PRKN: variants seen among roughly 807,000 people sequenced by gnomAD.
The protein encoded by PRKN is parkin RBR E3 ubiquitin protein ligase.
Under a neutral mutation model 59.5 loss-of-function variants are expected in PRKN, and 56 were observed. The observed-to-expected ratio is 0.94, with a 90% CI of 0.76 to 1.18. PRKN has a LOEUF of 1.18. Among genes scored for constraint, PRKN ranks in the 50% most tolerant of loss-of-function variants. The pLI is 0.00. For synonymous variants in PRKN, 250 were observed against 222.1 expected (o/e 1.13, Z -1.12); for missense variants, 657 against 596.4 (o/e 1.10, Z -1.06).
chr6:161,539,543 G>A (rs1216851572), intron 9 of PRKN, among the ~76,000 whole-genome samples: 1 of 99,342 alleles, frequency 1.0e-5, no homozygotes, highest in East Asian at 2.9e-4. Context: ...CTAAAAAGGT[G>A]TAAAATTCTA....
intron 5 of PRKN, among the ~76,000 whole-genome samples, chr6:162,017,525 T>C (rs1292010933): frequency 6.6e-6 from 1 of 152,198 alleles, no homozygotes; most frequent in Non-Finnish European, 1.5e-5. Flanking sequence ...CCACATTCAA[T>C]GTAACACTGA....
intron 6 of PRKN, among the ~76,000 whole-genome samples, chr6:161,796,438 T>C (rs1790852802): frequency 6.6e-6 from 1 of 152,242 alleles, no homozygotes; most frequent in South Asian, 2.1e-4. Context: ...CCTAGCTTTC[T>C]TGCCGAGGCT....
chr6:161,622,833 A>C (rs1782956216), intron 7 of PRKN, among the ~76,000 whole-genome samples: 1 of 152,362 alleles, frequency 6.6e-6, no homozygotes, highest in Non-Finnish European at 1.5e-5. Flanking sequence ...TGTTTAAAAC[A>C]CTAAATTCTC....
At chr6:162,152,809 T>C (rs1782329011) in intron 4 of PRKN, among the ~76,000 whole-genome samples, 1 of 152,226 alleles carries the variant, frequency 6.6e-6, no homozygotes, top group Admixed American at 6.5e-5. Flanking sequence ...GTAAATTGTT[T>C]GCTGAAATCT....
intron 7 of PRKN, among the ~76,000 whole-genome samples, chr6:161,727,454 A>T (rs921278759): frequency 1.3e-5 from 2 of 152,236 alleles, no homozygotes; most frequent in Admixed American, 1.3e-4. Flanking sequence ...TTGCTTTTAG[A>T]TAACAAGGAT....
At chr6:161,358,610 C>T (rs1784855601) in intron 11 of PRKN, among the ~76,000 whole-genome samples, 1 of 151,916 alleles carries the variant, frequency 6.6e-6, no homozygotes, top group Non-Finnish European at 1.5e-5. Context: ...TCAAGACTGT[C>T]TAATCTCTGT....
chr6:162,101,256 A>C (rs183500364), intron 4 of PRKN, among the ~76,000 whole-genome samples: 2 of 151,832 alleles, frequency 1.3e-5, no homozygotes, highest in Admixed American at 6.6e-5. Flanking sequence ...ATTTTTGTAT[A>C]TGAGGTCAGA....
chr6:162,450,775 A>C lies in PRKN; in HGVS notation c.8-7302T>G, dbSNP rs375281334. 9.8e-4 allele frequency among the ~76,000 whole-genome samples: 150 copies of C among 152,342 alleles called. 1 individual carries two copies. The highest frequency in any genetic ancestry group is 3.4e-3 in the African/African-American group (140 of 41,572). On this transcript the variant is annotated intron_variant, in intron 1 of 11. Coordinates refer to ENST00000366898, the MANE Select transcript of PRKN (RefSeq NM_004562.3). ...TAGAGTCTAAGGGCCTAAGGAGATG[A>C]GTAAATGCAATGTGGTAGCCTGGAT...
rs998908009 is a variant in PRKN, at chr6:161,369,386, T to A, written c.1168-9181A>T. Among the ~76,000 whole-genome samples, 14 of 152,144 alleles carry A rather than the reference T, an allele frequency of 9.2e-5. No individual in the cohort carries two copies. The highest frequency in any genetic ancestry group is 1.8e-4 in the Non-Finnish European group (12 of 68,024). The stretch of plus-strand genomic sequence containing the variant: ...GAGGGGCGGGAGGTTTGGGAACCAT[T>A]CATCCTCTGGAGGGCGATTCTCCCT... On this transcript the variant is annotated intron_variant, in intron 10 of 11. Transcript: ENST00000366898. This position sits in a 1 kb window ranked among gnomAD's most constrained non-coding sequence, Gnocchi z 5.8.
chr6:162,263,685 G>A (rs1446585603), intron 2 of PRKN, among the ~76,000 whole-genome samples: 2 of 152,146 alleles, frequency 1.3e-5, no homozygotes, highest in African/African-American at 4.8e-5. Flanking sequence ...CGGCCGCGGT[G>A]GCTCAGGCCT....
At chr6:161,557,089 G>A (rs1425349523) in intron 8 of PRKN, among the ~76,000 whole-genome samples, 1 of 152,004 alleles carries the variant, frequency 6.6e-6, no homozygotes, top group Non-Finnish European at 1.5e-5. Flanking sequence ...CTGAACCTAA[G>A]GAAAACAATA....
intron 1 of PRKN, among the ~76,000 whole-genome samples, chr6:162,703,688 G>A (rs898782300): frequency 1.3e-5 from 2 of 152,192 alleles, no homozygotes; most frequent in Non-Finnish European, 2.9e-5. Context: ...TGTGCACAGG[G>A]AGGTTCCTGT....
intron 9 of PRKN, among the ~76,000 whole-genome samples, chr6:161,427,917 C>T (rs1241516451): frequency 1.3e-5 from 2 of 152,158 alleles, no homozygotes; most frequent in Admixed American, 6.5e-5. Flanking sequence ...AGACTGAAAT[C>T]ACTCTTGTCG....
In PRKN at chr6:161,376,537, C is replaced by A. The variant is rs1297704902; in HGVS notation, c.1167+10257G>T. ...TCAAGCCCATCCCCTCCTCTGTATT[C>A]CCTGGCCGGATTCCTGGTGCCTGGT... On this transcript the variant is annotated intron_variant, in intron 10 of 11. Coordinates refer to ENST00000366898, the MANE Select transcript of PRKN (RefSeq NM_004562.3). This position sits in a 1 kb window ranked among gnomAD's most constrained non-coding sequence, Gnocchi z 7.3. 6.6e-6 allele frequency among the ~76,000 whole-genome samples: 1 copy of A among 152,210 alleles called. No individual in the cohort carries two copies. Among genetic ancestry groups the A allele is most frequent in the East Asian group, 1.9e-4 (1 of 5,186 alleles).
chr6:161,579,066 G>T lies in PRKN; in HGVS notation c.872-9650C>A, dbSNP rs540101224. Among the ~76,000 whole-genome samples, 2 of 152,300 alleles carry T rather than the reference G, an allele frequency of 1.3e-5. No homozygotes were observed. The highest frequency in any genetic ancestry group is 3.9e-4 in the East Asian group (2 of 5,186). On this transcript the variant is annotated intron_variant, in intron 7 of 11. Transcript: ENST00000366898. The surrounding 1 kb of genome is among the most constrained non-coding windows in gnomAD (Gnocchi z 4.2). The stretch of plus-strand genomic sequence containing the variant: ...AATGGGAGGCTCTCAGAGTGAAAAG[G>T]GATCCTTATCCATTATTTTCTTTCT...
At chr6:162,643,412 A>AAAAAAAAAAAAG (rs71784410) in intron 1 of PRKN, among the ~76,000 whole-genome samples, 18 of 139,676 alleles carry the variant, frequency 1.3e-4, no homozygotes, top group South Asian at 2.3e-4. Flanking sequence ...AAAAAAAAAA[A>AAAAAAAAAAAAG]AAAGAAAGAA....
chr6:162,496,330 G>A lies in PRKN; in HGVS notation c.8-52857C>T, dbSNP rs563564353. Among the ~76,000 whole-genome samples the A allele has an allele frequency of 6.6e-5, 10 of 152,286 alleles. No individual in the cohort carries two copies. The South Asian group carries it at 2.1e-3, about 32-fold the overall frequency. ...GAAAAGTAAATTTATACTTGCATGA[G>A]TAACTTCTACATTCTTTGTAATGGA... On this transcript the variant is annotated intron_variant, in intron 1 of 11. Coordinates refer to ENST00000366898, the MANE Select transcript of PRKN (RefSeq NM_004562.3).
Position 161,388,820 on chromosome 6 carries a change from T to C in PRKN, c.1084-1943A>G, listed in dbSNP as rs1214624513. ...GGCCTCAGCCGCAACAATAGCCCTG[T>C]CTGAGCTTTTAGTAGACAGCCAGCA... On this transcript the variant is annotated intron_variant, in intron 9 of 11. Transcript: ENST00000366898. This position sits in a 1 kb window ranked among gnomAD's most constrained non-coding sequence, Gnocchi z 4.3. Among the ~76,000 whole-genome samples, 1 of 152,240 alleles carries C rather than the reference T, an allele frequency of 6.6e-6. No homozygotes were observed. Among genetic ancestry groups the C allele is most frequent in the African/African-American group, 2.4e-5 (1 of 41,466 alleles).
intron 4 of PRKN, among the ~76,000 whole-genome samples, chr6:162,093,515 T>C (rs574389033): frequency 1.3e-5 from 2 of 152,224 alleles, no homozygotes; most frequent in Non-Finnish European, 1.5e-5. Flanking sequence ...TGTCTGCCCC[T>C]CTCTCTCTAA....
Sources: gnomAD v4.1 joint callset for allele counts (sites outside exome capture counted in the v4.1 genomes callset) on GRCh38, gnomAD v4.1.1 for gene constraint, Gnocchi (gnomAD v3.1) non-coding constraint, MANE v1.5 for transcripts, NCBI Gene and HGNC (gene_info 2026-07-23, HGNC 2026-07-21) for gene names.